The following FANCC variants were observed in gnomAD, a reference collection of about 807,000 sequenced individuals.
The protein encoded by FANCC is Fanconi anemia group C protein.
A neutral mutation model predicts 71.3 loss-of-function variants in FANCC; 55 were observed. The observed-to-expected ratio is 0.77, with a 90% confidence interval of 0.62 to 0.97. FANCC has a LOEUF of 0.97. Among genes scored for constraint, FANCC ranks in the 50% least tolerant of loss-of-function variants. FANCC has a pLI of 0.00. For missense variants in FANCC, 678 were observed against 670.9 expected, an observed-to-expected ratio of 1.01 and a Z score of -0.12; for synonymous variants, 275 against 244.9, an observed-to-expected ratio of 1.12 and a Z score of -1.15.
chr9:95,120,049 T>A (rs1018499953), intron 10 of FANCC, among the ~76,000 whole-genome samples: 6 of 152,192 alleles, frequency 3.9e-5, no homozygotes, highest in African/African-American at 1.2e-4. Context: ...AATTTATCCA[T>A]TTTTTCCTAT....
At chr9:95,148,478 G>A (rs991749821) in intron 7 of FANCC, among the ~76,000 whole-genome samples, 4 of 152,234 alleles carry the variant, frequency 2.6e-5, no homozygotes, top group African/African-American at 9.6e-5. Context: ...GACTGACAGT[G>A]TTTGTAGCCC....
intron 8 of FANCC, 110 bp downstream of exon 8, chr9:95,135,236 G>T (rs1827502840): frequency 2.8e-6 from 3 of 1,061,156 alleles, no homozygotes. Context: ...ATATATAAAG[G>T]TTCCAATTGC....
At chr9:95,157,827 A>AT (rs1564705567) in intron 6 of FANCC, among the ~76,000 whole-genome samples, 2 of 152,110 alleles carry the variant, frequency 1.3e-5, no homozygotes, top group Non-Finnish European at 2.9e-5. Context: ...TCTTTATGAG[A>AT]TTTTTTAAAT....
At chr9:95,277,486 A>T (rs898220991) in intron 1 of FANCC, among the ~76,000 whole-genome samples, 11 of 152,230 alleles carry the variant, frequency 7.2e-5, no homozygotes, top group African/African-American at 2.7e-4. Flanking sequence ...ATAAATATGC[A>T]CATTACGTGC....
At chr9:95,132,766 T>C (rs1377595063) in intron 8 of FANCC, among the ~76,000 whole-genome samples, 1 of 152,208 alleles carries the variant, frequency 6.6e-6, no homozygotes, top group East Asian at 1.9e-4. Flanking sequence ...ATGGAAAATA[T>C]CAGACCTGCG....
At chr9:95,223,982 AAAAC>A (rs1485950686) in intron 4 of FANCC, among the ~76,000 whole-genome samples, 23 of 152,352 alleles carry the variant, frequency 1.5e-4, no homozygotes, top group African/African-American at 2.6e-4. Flanking sequence ...CGTCTCAAGG[AAAAC>A]AAACAGACAA....
chr9:95,211,430 T>C (rs1407430579), intron 4 of FANCC, among the ~76,000 whole-genome samples: 1 of 152,212 alleles, frequency 6.6e-6, no homozygotes, highest in African/African-American at 2.4e-5. Flanking sequence ...GACCTTGTTA[T>C]GCTACTTGAC....
intron 12 of FANCC, among the ~76,000 whole-genome samples, 171 bp from the exon 13 acceptor site, chr9:95,111,808 T>C (rs1387520287): frequency 6.6e-6 from 1 of 152,230 alleles, no homozygotes; most frequent in Non-Finnish European, 1.5e-5. Flanking sequence ...AACGCCACTC[T>C]GCACCATCAC....
intron 3 of FANCC, among the ~76,000 whole-genome samples, chr9:95,243,749 G>A (rs906245811): frequency 6.6e-6 from 1 of 152,096 alleles, no homozygotes; most frequent in East Asian, 1.9e-4. Flanking sequence ...AGCCGAGATC[G>A]CACCACTGCA....
At chr9:95,157,764 G>C (rs1198807545) in intron 6 of FANCC, among the ~76,000 whole-genome samples, 1 of 152,156 alleles carries the variant, frequency 6.6e-6, no homozygotes, top group Non-Finnish European at 1.5e-5. Flanking sequence ...TGAAGTTCTT[G>C]GGAAGGTTAT....
intron 6 of FANCC, among the ~76,000 whole-genome samples, chr9:95,157,566 G>T (rs542299685): frequency 6.6e-6 from 1 of 152,192 alleles, no homozygotes; most frequent in Non-Finnish European, 1.5e-5. Flanking sequence ...CATGGTTACC[G>T]TCTAGCCTTC....
chr9:95,261,566 C>T (rs1832050128), intron 1 of FANCC, among the ~76,000 whole-genome samples: 1 of 152,138 alleles, frequency 6.6e-6, no homozygotes, highest in Admixed American at 6.5e-5. Flanking sequence ...GAAGGAAATC[C>T]ACTTTTTCCA....
chr9:95,259,389 C>T (rs1173476170), intron 1 of FANCC, among the ~76,000 whole-genome samples: 1 of 152,138 alleles, frequency 6.6e-6, no homozygotes, highest in Admixed American at 6.5e-5. Context: ...AATAACGCCA[C>T]CCATCTACAA....
Position 95,185,760 on chromosome 9 carries a change from C to T in FANCC, c.346-13613G>A, listed in dbSNP as rs138182582. 6.0e-3 allele frequency among the ~76,000 whole-genome samples: 918 copies of T among 152,252 alleles called. 6 individuals carry two copies. Among genetic ancestry groups the T allele is most frequent in the Non-Finnish European group, 9.7e-3 (663 of 68,024 alleles). ...CCTAAGTGGACAAAGTATAATTCAG[C>T]GAACAATTCCCATCTGCAGGAAAAC... On this transcript the variant is annotated intron_variant, in intron 4 of 14. Coordinates refer to ENST00000289081, the MANE Select transcript of FANCC (RefSeq NM_000136.3).
At chr9:95,159,860 T>C (rs1262770203) in intron 6 of FANCC, among the ~76,000 whole-genome samples, 9 of 152,214 alleles carry the variant, frequency 5.9e-5, no homozygotes, top group Non-Finnish European at 1.3e-4. Flanking sequence ...TTTTGCCCAA[T>C]TTTTGATGGG....
Position 95,229,325 on chromosome 9 carries a change from T to C in FANCC, c.345+11324A>G, listed in dbSNP as rs1209820540. Among the ~76,000 whole-genome samples, 4 of 148,942 alleles carry C rather than the reference T, an allele frequency of 2.7e-5. No homozygotes were observed. The East Asian group carries it at 5.9e-4, about 22-fold the overall frequency. ...AAAAAAAAAAAAAAAAAAATCCTTC[T>C]GGTTGAGACTCTAGGAGAGCACACA... On this transcript the variant is annotated intron_variant, in intron 4 of 14. Coordinates refer to ENST00000289081, the MANE Select transcript of FANCC (RefSeq NM_000136.3).
chr9:95,131,471 G>C (rs994678182), intron 8 of FANCC, among the ~76,000 whole-genome samples: 5 of 152,146 alleles, frequency 3.3e-5, no homozygotes, highest in African/African-American at 1.2e-4. Flanking sequence ...CAATTCCATT[G>C]CAAGGAAACT....
intron 7 of FANCC, among the ~76,000 whole-genome samples, chr9:95,145,030 T>C (rs1439127585): frequency 6.6e-6 from 1 of 152,214 alleles, no homozygotes; most frequent in African/African-American, 2.4e-5. Context: ...TTGACCATTT[T>C]TCGAATCAAG....
chr9:95,286,400 T>C (rs544679374), intron 1 of FANCC, among the ~76,000 whole-genome samples: 1 of 152,314 alleles, frequency 6.6e-6, no homozygotes, highest in South Asian at 2.1e-4. Flanking sequence ...AAGATTTCCT[T>C]GCTCCTTACA....
Sources: allele counts gnomAD v4.1 joint callset (sites outside exome capture counted in the v4.1 genomes callset), GRCh38; gene constraint gnomAD v4.1.1; transcripts MANE v1.5; gene names NCBI Gene and HGNC (gene_info 2026-07-23, HGNC 2026-07-21).